Variants in PCDHGB1 observed in about 807,000 individuals in gnomAD.
The protein encoded by PCDHGB1 is protocadherin gamma subfamily B, 1.
PCDHGB1 carries 34 observed loss-of-function variants against 56.6 expected under a neutral mutation model. The ratio of observed to expected loss-of-function variants is 0.60; its 90% CI spans 0.46 to 0.80. The LOEUF is 0.80. PCDHGB1 is among the 30% of genes least tolerant of loss of function. The pLI, the probability that PCDHGB1 is intolerant of heterozygous loss-of-function variation, is 0.00. For missense variants in PCDHGB1, 1,278 were observed against 1,204.6 expected (o/e 1.06, Z -0.90); for synonymous variants, 561 against 505.9 (o/e 1.11, Z -1.46).
Position 141,350,827 on chromosome 5 carries a change from G to A in PCDHGB1, c.567G>A (p.Pro189=), listed in dbSNP as rs763130974. Residue 189 remains proline (P), a synonymous_variant, in exon 1 of 4, where the codon CCG becomes CCA. Transcript: ENST00000523390. ...AAAGTCCTGATGGAAGTAAATATCCGGTATTACTGCTGGAAAAACCTCTAG... is the reference window on the plus strand; with the variant it reads ...AAAGTCCTGATGGAAGTAAATATCCAGTATTACTGCTGGAAAAACCTCTAG... ...TKESPDGSKY[P]VLLLEKPLDR... The A allele has an allele frequency of 2.5e-6, 4 of 1,613,880 alleles. No homozygotes were observed. The highest frequency in any genetic ancestry group is 2.2e-5 in the East Asian group (1 of 44,892).
intron 1 of PCDHGB1, among the ~76,000 whole-genome samples, chr5:141,362,942 A>T (rs141459764): frequency 6.6e-6 from 1 of 152,354 alleles, no homozygotes; most frequent in African/African-American, 2.4e-5. Context: ...TCATTTTAGT[A>T]GGCTTTGGAA....
Position 141,350,862 on chromosome 5 carries a change from A to C in PCDHGB1, c.602A>C (p.His201Pro). ...CTGGAAAAACCTCTAGACAGGGAAC[A>C]TCAGAGCTCTCATCGCTTAATCCTG... ...LLLEKPLDREHQSSHRLILTA... is the reference protein window; with the variant it reads ...LLLEKPLDREPQSSHRLILTA... Residue 201 changes from histidine (H) to proline (P), a missense_variant, in exon 1 of 4, where the codon CAT becomes CCT. His to Pro is a moderately conservative substitution (Grantham distance 77). Transcript: ENST00000523390. 1 of 1,614,100 alleles carries C rather than the reference A, an allele frequency of 6.2e-7. No individual in the cohort carries two copies. Among genetic ancestry groups the C allele is most frequent in the South Asian group, 1.1e-5 (1 of 91,092 alleles).
chr5:141,382,175 C>G (rs1273619481), intron 1 of PCDHGB1, among the ~76,000 whole-genome samples: 3 of 152,028 alleles, frequency 2.0e-5, no homozygotes, highest in Non-Finnish European at 2.9e-5. Context: ...TAGACCGTCT[C>G]TAAGGTTCTA....
At chr5:141,508,642 T>A (rs893357826) in intron 3 of PCDHGB1, among the ~76,000 whole-genome samples, 13 of 152,070 alleles carry the variant, frequency 8.5e-5, no homozygotes, top group Admixed American at 2.6e-4. Flanking sequence ...AGCTACTCCG[T>A]CAGGCCCTTC....
chr5:141,384,340 A>C (rs970369905), intron 1 of PCDHGB1: 6 of 1,613,856 alleles, frequency 3.7e-6, no homozygotes, highest in South Asian at 1.1e-5. Context: ...GGACCACGAC[A>C]GTGAGGATAA....
chr5:141,433,587 G>A (rs1228017153), intron 1 of PCDHGB1, among the ~76,000 whole-genome samples: 1 of 152,068 alleles, frequency 6.6e-6, no homozygotes, highest in African/African-American at 2.4e-5. Flanking sequence ...TGTAATCCCA[G>A]TACTTTGGGA....
chr5:141,392,897 G>T (rs2150498343), intron 1 of PCDHGB1: 6 of 1,613,776 alleles, frequency 3.7e-6, no homozygotes, highest in Non-Finnish European at 5.1e-6. Flanking sequence ...AAATCGGGAG[G>T]GGACAGATTC....
intron 1 of PCDHGB1, chr5:141,378,235 G>C (rs1774737741): frequency 6.6e-6 from 1 of 152,228 alleles, no homozygotes; most frequent in Non-Finnish European, 1.5e-5. Context: ...GTATTTAAGA[G>C]TGAAAATGGC....
At chr5:141,498,338 G>A (rs2237079) in intron 2 of PCDHGB1, among the ~76,000 whole-genome samples, 68,665 of 151,630 alleles carry the variant, frequency 0.45, 15,766 homozygotes, top group Admixed American at 0.55. Flanking sequence ...CATTCCAAAT[G>A]GGAAAAGCCT....
At chr5:141,427,857 G>A (rs746661329) in intron 1 of PCDHGB1, 36 of 1,554,574 alleles carry the variant, frequency 2.3e-5, no homozygotes, top group Non-Finnish European at 2.9e-5. Context: ...GCAGCTGTGC[G>A]CCTTCGAGCT....
At chr5:141,355,685 T>C in intron 1 of PCDHGB1, 3 of 1,613,982 alleles carry the variant, frequency 1.9e-6, no homozygotes, top group Non-Finnish European at 2.5e-6. Flanking sequence ...GATCCGGATG[T>C]AGGTGTAAAC....
chr5:141,505,277 G>A, intron 2 of PCDHGB1, 116 bp from the exon 3 acceptor site: 1 of 1,539,958 alleles, frequency 6.5e-7, no homozygotes, highest in African/African-American at 1.4e-5. Context: ...AGAGAAACAG[G>A]TCTTGGGCAT....
intron 1 of PCDHGB1, chr5:141,422,667 G>A (rs1283968031): frequency 1.9e-6 from 3 of 1,607,536 alleles, no homozygotes; most frequent in South Asian, 1.1e-5. Context: ...CCCTCGACCC[G>A]GACAGCAAAC....
intron 1 of PCDHGB1, chr5:141,409,130 G>C (rs1265386524): frequency 2.5e-6 from 4 of 1,613,994 alleles, no homozygotes; most frequent in Non-Finnish European, 3.4e-6. Flanking sequence ...ATTTGATTTT[G>C]AAGATGTAGA....
At chr5:141,424,700 T>C (rs1359856009) in intron 1 of PCDHGB1, 3 of 152,228 alleles carry the variant, frequency 2.0e-5, no homozygotes, top group African/African-American at 7.2e-5. Context: ...TATTTTTTTG[T>C]TCATTTTCAG....
At chr5:141,495,984 ATC>A (rs2099765081) in intron 2 of PCDHGB1, among the ~76,000 whole-genome samples, 1 of 149,246 alleles carries the variant, frequency 6.7e-6, no homozygotes, top group East Asian at 2.0e-4. Context: ...CTCTTTCTTT[ATC>A]TCTCTTTTTC....
chr5:141,419,794 T>G, intron 1 of PCDHGB1: 1 of 1,614,048 alleles, frequency 6.2e-7, no homozygotes, highest in Non-Finnish European at 8.5e-7. Flanking sequence ...TGCTAGTCGC[T>G]GTAAGAGATG....
chr5:141,362,333 C>G, intron 1 of PCDHGB1: 1 of 1,614,070 alleles, frequency 6.2e-7, no homozygotes, highest in Non-Finnish European at 8.5e-7. Context: ...GGTCTCAGCT[C>G]CAAGCCTGGA....
At chr5:141,362,729 T>G in intron 1 of PCDHGB1, 1 of 807,602 alleles carries the variant, frequency 1.2e-6, no homozygotes, top group Non-Finnish European at 1.9e-6. Context: ...AAGTGTGAGA[T>G]TTATTTACCC....
Sources: allele counts gnomAD v4.1 joint callset (sites outside exome capture counted in the v4.1 genomes callset), GRCh38; gene constraint gnomAD v4.1.1; transcripts MANE v1.5; gene names NCBI Gene and HGNC (gene_info 2026-07-23, HGNC 2026-07-21).